The following COMMD5 variants were observed in gnomAD, a reference collection of about 807,000 sequenced individuals.
COMMD5 encodes COMM domain-containing protein 5.
COMMD5 carries 10 observed loss-of-function variants against 6.9 expected under a neutral mutation model. That is an observed-to-expected ratio of 1.44 (90% CI 0.89 to 2.45). COMMD5 has a LOEUF of 2.45. Ranked by LOEUF, COMMD5 falls within the 30% of genes most tolerant of loss-of-function variation. COMMD5 has a pLI of 0.00. For synonymous variants in COMMD5, 127 were observed against 125.3 expected (o/e 1.01, Z -0.09); for missense variants, 234 against 287.8 (o/e 0.81, Z 1.35).
At chr8:144,839,382 C>T (rs888568528), downstream of COMMD5, among the ~76,000 whole-genome samples, 3 of 152,242 alleles carry the variant, frequency 2.0e-5, no homozygotes, top group South Asian at 6.2e-4. Context: ...TGGCTACTCC[C>T]ATGTGATCCT....
downstream of COMMD5, chr8:144,846,142 C>T (rs1361359276): frequency 2.1e-5 from 33 of 1,536,184 alleles, no homozygotes; most frequent in Non-Finnish European, 2.4e-5. Context: ...ATGATCAGGA[C>T]AGAAGGAGGG....
chr8:144,851,537 G>C (rs1239387736), intron 1 of COMMD5, 142 bp from the exon 2 acceptor site: 3 of 645,278 alleles, frequency 4.6e-6, no homozygotes, highest in Non-Finnish European at 7.8e-6. Context: ...GGCCCTGGAA[G>C]CAGGTGGCAG....
chr8:144,840,316 G>C (rs565305613), downstream of COMMD5, among the ~76,000 whole-genome samples: 9 of 152,330 alleles, frequency 5.9e-5, no homozygotes, highest in South Asian at 1.7e-3. Context: ...AGGACTGATA[G>C]GAAGACCTTT....
intron 1 of COMMD5, chr8:144,842,410 C>G (rs1340644074): frequency 1.9e-6 from 3 of 1,614,090 alleles, no homozygotes; most frequent in Non-Finnish European, 2.5e-6. Flanking sequence ...TCAGCTGATT[C>G]ACACTGGAGA....
chr8:144,841,101 C>T (rs1362130189), exon 2 of COMMD5: 2 of 477,008 alleles, frequency 4.2e-6, no homozygotes, highest in Non-Finnish European at 7.5e-6. Context: ...GGATGGACCT[C>T]TCTGCTCACA....
At chr8:144,841,738 AT>A in exon 2 of COMMD5, 1 of 1,614,178 alleles carries the variant, frequency 6.2e-7, no homozygotes, top group Non-Finnish European at 8.5e-7. Flanking sequence ...CACTTCAGAT[AT>A]CGCTCTGCAT....
intron 1 of COMMD5, chr8:144,842,789 C>G (rs778046449): frequency 1.2e-6 from 2 of 1,614,156 alleles, no homozygotes; most frequent in Non-Finnish European, 8.5e-7. Flanking sequence ...TGTGGGAAAG[C>G]CTTCAGTCAA....
downstream of COMMD5, among the ~76,000 whole-genome samples, chr8:144,849,988 C>G (rs1194435648): frequency 6.6e-6 from 1 of 152,108 alleles, no homozygotes; most frequent in African/African-American, 2.4e-5. Context: ...GGGCCTTAAG[C>G]ACGTCAGGCC....
chr8:144,841,564 TTGAA>T (rs751217618), exon 2 of COMMD5: 5 of 1,614,056 alleles, frequency 3.1e-6, no homozygotes, highest in Non-Finnish European at 4.2e-6. Context: ...AAATAACTGT[TTGAA>T]TGAGGAGACT....
At chr8:144,841,303 C>A in exon 2 of COMMD5, 1 of 1,529,256 alleles carries the variant, frequency 6.5e-7, no homozygotes, top group Non-Finnish European at 8.8e-7. Context: ...GTAGTCTTAT[C>A]ATTTCTCTGA....
At chr8:144,843,171 C>T in intron 1 of COMMD5, 1 of 1,566,636 alleles carries the variant, frequency 6.4e-7, no homozygotes, top group Non-Finnish European at 8.6e-7. Flanking sequence ...TGGGATAGAC[C>T]ACTTACATAT....
chr8:144,846,142 CAGA>C, downstream of COMMD5: 4 of 1,536,302 alleles, frequency 2.6e-6, no homozygotes, highest in South Asian at 2.4e-5. Context: ...ATGATCAGGA[CAGA>C]AGGAGGGGAA....
At chr8:144,845,108 C>T (rs2722483) in intron 1 of COMMD5, among the ~76,000 whole-genome samples, 4,083 of 152,130 alleles carry the variant, frequency 0.027, 236 homozygotes, top group East Asian at 0.23. Flanking sequence ...ATTTATGGTG[C>T]GGGACAGCTT....
At chr8:144,842,660 T>C in intron 1 of COMMD5, 2 of 1,614,096 alleles carry the variant, frequency 1.2e-6, no homozygotes, top group East Asian at 2.2e-5. Context: ...CATCAGAGAA[T>C]CCATAAAGGA....
rs762240188 is a variant in COMMD5, at chr8:144,850,786, C to G, written c.553G>C (p.Gly185Arg). 1.9e-6 allele frequency: 3 copies of G among 1,614,054 alleles called. No homozygotes were observed. ...SVLMQLKLSD[G>R]SAYRFEVPTA... ...GGGACCTCAAAGCGGTATGCTGACC[C>G]ATCTGAAAGCTTCAGCTGCATCAGG... Residue 185 changes from glycine (G) to arginine (R), a missense_variant, in exon 2 of 2, where the codon GGG (glycine) becomes CGG (arginine). Gly to Arg is a moderately radical substitution (Grantham distance 125, BLOSUM62 -2). Coordinates refer to ENST00000305103, the MANE Select transcript of COMMD5 (RefSeq NM_014066.4). The surrounding 1 kb of genome is among the most constrained non-coding windows in gnomAD (Gnocchi z 4.0).
rs71320849 is a variant in COMMD5 at position 144,844,709 on chromosome 8, C to CAAAAAAAA, written c.*117-2974_*117-2967dup. Among the ~76,000 whole-genome samples, 227 of 88,578 alleles carry CAAAAAAAA rather than the reference C, an allele frequency of 2.6e-3. 13 individuals carry two copies. Among genetic ancestry groups the CAAAAAAAA allele is most frequent in the African/African-American group, 9.4e-3 (222 of 23,680 alleles). The allele number at this position is 88,578 out of a possible 152,430, so 58.1% of individuals were successfully genotyped here. ...GGGTGACAAGAGTGTGACTCTGTAT[C>CAAAAAAAA]AAAAAAAAAAAAAAAAAAAAAAAAA... On this transcript the variant is annotated intron_variant and NMD_transcript_variant, in intron 1 of 1. Coordinates refer to the COMMD5 transcript ENST00000530332.
exon 2 of COMMD5, chr8:144,841,159 T>G: frequency 1.6e-6 from 1 of 608,978 alleles, no homozygotes. Context: ...ATCGAATGAG[T>G]GAACAAGGTA....
chr8:144,851,459 T>A, intron 1 of COMMD5, 64 bp from the exon 2 acceptor site: 1 of 1,078,568 alleles, frequency 9.3e-7, no homozygotes, highest in Non-Finnish European at 1.3e-6. Context: ...CGAGTGAGGG[T>A]TGATATGGTC....
At chr8:144,842,101 A>AG (rs1563842806) in intron 1 of COMMD5, 13 of 1,614,182 alleles carry the variant, frequency 8.1e-6, no homozygotes, top group Non-Finnish European at 1.0e-5. Flanking sequence ...CACAGGAGAG[A>AG]GGCCCTATGG....
Sources: allele counts gnomAD v4.1 joint callset (sites outside exome capture counted in the v4.1 genomes callset), GRCh38; gene constraint gnomAD v4.1.1; non-coding constraint Gnocchi (gnomAD v3.1); transcripts MANE v1.5; gene names NCBI Gene and HGNC (gene_info 2026-07-23, HGNC 2026-07-21).